Variants in NOP14 observed in about 807,000 individuals in gnomAD.
NOP14 encodes nucleolar protein 14.
NOP14 carries 57 observed loss-of-function variants against 101.6 expected under a neutral mutation model. The observed-to-expected ratio is 0.56, with a 90% CI of 0.45 to 0.70. NOP14 has a LOEUF of 0.70. Ranked by LOEUF, NOP14 falls within the 30% of genes least tolerant of loss-of-function variation. NOP14 has a pLI of 0.00. For synonymous variants in NOP14, 428 were observed against 424.0 expected (o/e 1.01, Z -0.12); for missense variants, 1,134 against 1,075.5 (o/e 1.05, Z -0.76).
At chr4:2,957,893 A>G (rs1158035981) in intron 1 of NOP14, among the ~76,000 whole-genome samples, 153 bp from the exon 2 acceptor site, 1 of 152,192 alleles carries the variant, frequency 6.6e-6, no homozygotes, top group East Asian at 1.9e-4. Context: ...GGCTTTCTCT[A>G]CTAATCACAG....
Position 2,938,734 on chromosome 4 carries a change from C to A in NOP14, c.*97G>T. On this transcript the variant is annotated 3_prime_UTR_variant, in exon 18 of 18. Coordinates refer to ENST00000416614, the MANE Select transcript of NOP14 (RefSeq NM_001291978.2). ...TGTTGCCCAGGCTGGTCTCGAACTC[C>A]TGGGCTGAAGCAATCTTCCTGCCTT... The A allele has an allele frequency of 1.0e-6, 1 of 1,003,810 alleles. No individual in the cohort carries two copies. Among genetic ancestry groups the A allele is most frequent in the Non-Finnish European group, 1.5e-6 (1 of 659,350 alleles). The allele number at this position is 1,003,810 out of a possible 1,614,324, so 62.2% of individuals were successfully genotyped here. A position where few individuals can be genotyped will look rare whatever the true frequency, so the allele number is the denominator to read the frequency against.
chr4:2,939,493 C>T, intron 16 of NOP14, 34 bp downstream of exon 16: 1 of 1,604,306 alleles, frequency 6.2e-7, no homozygotes, highest in Non-Finnish European at 8.5e-7. Context: ...AGCCCACAGC[C>T]CTGGCCTCCC....
chr4:2,957,537 G>C, intron 2 of NOP14, 69 bp downstream of exon 2: 2 of 1,570,522 alleles, frequency 1.3e-6, no homozygotes, highest in Admixed American at 1.7e-5. Context: ...TGCAGAGTCA[G>C]CCTTCTCCTT....
In NOP14 at chr4:2,957,608, G is replaced by T; in HGVS notation, c.328C>A (p.Gln110Lys). ...CCTCCTCCAGTTTCTTTCCATACCT[G>T]CTGTTCCAGAGCAAACCTCTTCATC... ...KMMKRFALEQ[Q>K]RHHEKKSIYN... is the part of the protein sequence containing the mutation. The change falls in exon 2 of 18, where the codon CAG (glutamine) becomes AAG (lysine). Residue 110 changes from glutamine to lysine, a missense_variant and splice_region_variant. By Grantham distance (53) the Gln-to-Lys change is moderately conservative. Transcript: ENST00000416614. The T allele has an allele frequency of 6.2e-7, 1 of 1,613,910 alleles. No individual in the cohort carries two copies. Among genetic ancestry groups the T allele is most frequent in the Non-Finnish European group, 8.5e-7 (1 of 1,179,956 alleles).
chr4:2,942,650 C>A (rs1346228009), intron 13 of NOP14, among the ~76,000 whole-genome samples: 2 of 152,182 alleles, frequency 1.3e-5, no homozygotes, highest in African/African-American at 4.8e-5. Flanking sequence ...GCTCAGGCCA[C>A]ATCCGGGAAC....
Position 2,962,787 on chromosome 4 carries a change from T to A in NOP14, c.195+338A>T, listed in dbSNP as rs141399503. Among the ~76,000 whole-genome samples the A allele has an allele frequency of 4.3e-4, 66 of 152,170 alleles. No homozygotes were observed. In the South Asian group the frequency reaches 5.2e-3, roughly 12 times the overall value. On this transcript the variant is annotated intron_variant, in intron 1 of 17. Coordinates refer to ENST00000416614, the MANE Select transcript of NOP14 (RefSeq NM_001291978.2). The stretch of plus-strand genomic sequence containing the variant: ...CAAACGCAGCATCCTACACAGCCCC[T>A]ATCCACCGTCCCCAAACCTGCAGAG...
In NOP14 at chr4:2,956,814, G is replaced by A. The variant is rs1715376549; in HGVS notation, c.331-3C>T. On this transcript the variant is annotated splice_polypyrimidine_tract_variant and splice_region_variant and intron_variant, in intron 2 of 17. Transcript: ENST00000416614. ...ATGCTTTTTTTCTCATGATGTCGCT[G>A]ACAGAAGAGAAAAAAAGTTTCCTAA... 6.4e-7 allele frequency: 1 copy of A among 1,569,942 alleles called. No individual in the cohort carries two copies. The highest frequency in any genetic ancestry group is 2.0e-5 in the Admixed American group (1 of 49,016).
intron 1 of NOP14, 105 bp downstream of exon 1, chr4:2,963,020 G>T: frequency 8.4e-7 from 1 of 1,197,346 alleles, no homozygotes; most frequent in Non-Finnish European, 1.1e-6. Flanking sequence ...GTCACGGCCT[G>T]TGCCGCTCAA....
chr4:2,952,260 G>T lies in NOP14; in HGVS notation c.870+15C>A. 6.2e-7 allele frequency: 1 copy of T among 1,612,394 alleles called. No individual in the cohort carries two copies. Among genetic ancestry groups the T allele is most frequent in the Non-Finnish European group, 8.5e-7 (1 of 1,179,648 alleles). On this transcript the variant is annotated intron_variant, in intron 6 of 17. Transcript: ENST00000416614. ...ACAGCAGCACAGCCCTGCTCCTGAG[G>T]TGCTGCCACCCTACCTCCAGCTTCC...
chr4:2,949,289 C>T (rs1420754077), intron 8 of NOP14, among the ~76,000 whole-genome samples: 3 of 152,044 alleles, frequency 2.0e-5, no homozygotes, highest in Non-Finnish European at 4.4e-5. Context: ...CTGCAACCTC[C>T]GCCTCCCAGG....
At chr4:2,959,339 T>C (rs1027704785) in intron 1 of NOP14, among the ~76,000 whole-genome samples, 11 of 152,182 alleles carry the variant, frequency 7.2e-5, no homozygotes, top group Admixed American at 2.0e-4. Context: ...ACGCCTGTAA[T>C]TCCAGCACTC....
chr4:2,937,948 T>C lies in NOP14; in HGVS notation c.*883A>G, dbSNP rs1270517454. ...ATCTGCAAACTTGTTTCATTTATAA[T>C]TGAAAATATAATTTGCATAACAACA... On this transcript the variant is annotated 3_prime_UTR_variant, in exon 18 of 18. Coordinates refer to ENST00000416614, the MANE Select transcript of NOP14 (RefSeq NM_001291978.2). The C allele has an allele frequency of 4.7e-6, 1 of 212,702 alleles. No individual in the cohort carries two copies. The highest frequency in any genetic ancestry group is 2.4e-5 in the African/African-American group (1 of 41,926). The allele number at this position is 212,702 out of a possible 1,614,324, so 13.2% of individuals were successfully genotyped here.
chr4:2,952,468 T>G lies in NOP14; in HGVS notation c.748-71A>C, dbSNP rs899031444. On this transcript the variant is annotated intron_variant, in intron 5 of 17. Transcript: ENST00000416614. ...TCTTATTTTACAAAAAGAAAAGATCTAGCTTCCTGGCACATTCTAGTAATG... is the reference window on the plus strand; with the variant it reads ...TCTTATTTTACAAAAAGAAAAGATCGAGCTTCCTGGCACATTCTAGTAATG... The G allele has an allele frequency of 1.5e-5, 21 of 1,375,834 alleles. No homozygotes were observed. In the Admixed American group the frequency reaches 3.5e-4, roughly 23 times the overall value. 85.2% of individuals were successfully genotyped at this position (1,375,834 alleles called of 1,614,324 possible).
At chr4:2,963,004 G>A in intron 1 of NOP14, 121 bp downstream of exon 1, 1 of 993,470 alleles carries the variant, frequency 1.0e-6, no homozygotes, top group Non-Finnish European at 1.4e-6. Flanking sequence ...TCAGTGCCGT[G>A]TGCCTGTCAC....
chr4:2,959,977 T>C (rs1246421744), intron 1 of NOP14, among the ~76,000 whole-genome samples: 1 of 152,022 alleles, frequency 6.6e-6, no homozygotes, highest in Non-Finnish European at 1.5e-5. Flanking sequence ...AGACCTTTTT[T>C]TTTTTTTTTA....
At chr4:2,957,108 TCTC>T in intron 2 of NOP14, among the ~76,000 whole-genome samples, 1 of 152,206 alleles carries the variant, frequency 6.6e-6, no homozygotes, top group East Asian at 1.9e-4. Context: ...TTCAAGTGAT[TCTC>T]CTGCCTCAGC....
At chr4:2,948,003 C>T (rs1714771088) in intron 9 of NOP14, among the ~76,000 whole-genome samples, 2 of 152,252 alleles carry the variant, frequency 1.3e-5, no homozygotes, top group South Asian at 4.1e-4. Flanking sequence ...GCTATGTGAA[C>T]CCTAGTGTCC....
At chr4:2,941,314 G>A in intron 15 of NOP14, 2 of 457,470 alleles carry the variant, frequency 4.4e-6, no homozygotes, top group Non-Finnish European at 8.0e-6. Context: ...GGGCGCTGGT[G>A]CACCCTCCGT....
Position 2,956,776 on chromosome 4 carries a change from A to C in NOP14, c.366T>G (p.Asn122Lys), listed in dbSNP as rs756655708. The C allele has an allele frequency of 6.2e-7, 1 of 1,611,216 alleles. No individual in the cohort carries two copies. The highest frequency in any genetic ancestry group is 1.1e-5 in the South Asian group (1 of 90,288). ...HHEKKSIYNL[N>K]EDEELTHYGQ... Reference sequence around the variant, plus strand: ...CATAATGAGTCAATTCTTCATCTTCATTTAGATTGTAGATGCTTTTTTTCT... The same window carrying C: ...CATAATGAGTCAATTCTTCATCTTCCTTTAGATTGTAGATGCTTTTTTTCT... Residue 122 changes from asparagine to lysine, a missense_variant, in exon 3 of 18, where the codon AAT (asparagine) becomes AAG (lysine). By Grantham distance (94) the Asn-to-Lys change is moderately conservative. Transcript: ENST00000416614.
Sources: allele counts gnomAD v4.1 joint callset (sites outside exome capture counted in the v4.1 genomes callset), GRCh38; gene constraint gnomAD v4.1.1; transcripts MANE v1.5; gene names NCBI Gene and HGNC (gene_info 2026-07-23, HGNC 2026-07-21).